MAP2K5: variants seen among roughly 807,000 people sequenced by gnomAD.
MAP2K5 encodes the protein mitogen-activated protein kinase kinase 5, also known as dual specificity mitogen-activated protein kinase kinase 5.
MAP2K5 carries 49 observed loss-of-function variants against 83.1 expected under a neutral mutation model. The observed-to-expected ratio is 0.59, with a 90% CI of 0.47 to 0.75. The LOEUF (loss-of-function observed/expected upper bound fraction) is 0.75. Among genes scored for constraint, MAP2K5 ranks in the 30% least tolerant of loss-of-function variants. The probability of loss-of-function intolerance (pLI) is 0.00; values close to 1 mark genes in which losing one functional copy is unlikely to be tolerated. For missense variants in MAP2K5, 457 were observed against 557.5 expected, an observed-to-expected ratio of 0.82 and a Z score of 1.82; for synonymous variants, 202 against 191.8, an observed-to-expected ratio of 1.05 and a Z score of -0.44.
chr15:67,553,812 C>T (rs181230918), intron 2 of MAP2K5, among the ~76,000 whole-genome samples: 4,373 of 145,662 alleles, frequency 0.03, 93 homozygotes, highest in Non-Finnish European at 0.042. Flanking sequence ...ACTCGGGAGG[C>T]TGAGGCAGGA....
Position 67,780,588 on chromosome 15 carries a change from A to G in MAP2K5, c.1242+7836A>G, listed in dbSNP as rs1010577336. Among the ~76,000 whole-genome samples, 5 of 152,250 alleles carry G rather than the reference A, an allele frequency of 3.3e-5. No homozygotes were observed. Among genetic ancestry groups the G allele is most frequent in the Non-Finnish European group, 7.3e-5 (5 of 68,044 alleles). On this transcript the variant is annotated intron_variant, in intron 21 of 21. Transcript: ENST00000178640. The surrounding 1 kb of genome is among the most constrained non-coding windows in gnomAD (Gnocchi z 5.0). ...AGCTGAAGAAACTAATCCAAGAACA[A>G]GCAATCCCTGGACATTACAATATAC...
At chr15:67,583,611 C>T (rs2085230468) in intron 4 of MAP2K5, among the ~76,000 whole-genome samples, 1 of 152,122 alleles carries the variant, frequency 6.6e-6, no homozygotes, top group Non-Finnish European at 1.5e-5. Context: ...GACATGTAGA[C>T]ATACTGGGTA....
In MAP2K5 at chr15:67,801,191, G is replaced by A. The variant is rs956048066; in HGVS notation, c.1243-5455G>A. ...CTGGAATCCTAAAGGGAGATGCATA[G>A]AGCCTTCAAGCAAGGCTCACAGGTC... On this transcript the variant is annotated intron_variant, in intron 21 of 21. Transcript: ENST00000178640. The surrounding 1 kb of genome is among the most constrained non-coding windows in gnomAD (Gnocchi z 4.8). 6.6e-6 allele frequency among the ~76,000 whole-genome samples: 1 copy of A among 152,142 alleles called. No individual in the cohort carries two copies. Among genetic ancestry groups the A allele is most frequent in the African/African-American group, 2.4e-5 (1 of 41,402 alleles).
rs1235476248 is a variant in MAP2K5, at chr15:67,769,464, A to G, written c.1135-138A>G. On this transcript the variant is annotated intron_variant, in intron 19 of 21. Transcript: ENST00000178640. The surrounding 1 kb of genome is among the most constrained non-coding windows in gnomAD (Gnocchi z 5.2). Reference sequence around the variant, plus strand: ...CCTAAATGTGTGGAATAAGGTAAAGACAGTCTTTTTAATTGGGTGAGGCCT... The same window carrying G: ...CCTAAATGTGTGGAATAAGGTAAAGGCAGTCTTTTTAATTGGGTGAGGCCT... 1 of 707,638 alleles carries G rather than the reference A, an allele frequency of 1.4e-6. No homozygotes were observed. The highest frequency in any genetic ancestry group is 1.8e-5 in the African/African-American group (1 of 55,634). The allele number at this position is 707,638 out of a possible 1,614,324, so 43.8% of individuals were successfully genotyped here.
chr15:67,584,792 C>T (rs1054493889), intron 4 of MAP2K5, among the ~76,000 whole-genome samples: 1 of 150,384 alleles, frequency 6.6e-6, no homozygotes, highest in Non-Finnish European at 1.5e-5. Flanking sequence ...CATTCTCCTG[C>T]CTCACGACAT....
rs1006975065 is a variant in MAP2K5 at position 67,777,982 on chromosome 15, G to A, written c.1242+5230G>A. Among the ~76,000 whole-genome samples, 4 of 152,168 alleles carry A rather than the reference G, an allele frequency of 2.6e-5. No homozygotes were observed. Among genetic ancestry groups the A allele is most frequent in the Non-Finnish European group, 2.9e-5 (2 of 68,026 alleles). ...CAAGTTGGCATGGGTCCTAGAAGGC[G>A]GGGTATCAGTTAAAATCAGAATAGC... On this transcript the variant is annotated intron_variant, in intron 21 of 21. Transcript: ENST00000178640. This position sits in a 1 kb window ranked among gnomAD's most constrained non-coding sequence, Gnocchi z 6.0.
intron 8 of MAP2K5, among the ~76,000 whole-genome samples, chr15:67,613,043 G>A (rs528502456): frequency 6.6e-6 from 1 of 152,116 alleles, no homozygotes; most frequent in East Asian, 1.9e-4. Flanking sequence ...TTCTGAGATG[G>A]GACAATTCCC....
At chr15:67,693,620 T>C in intron 15 of MAP2K5, 52 bp downstream of exon 15, 1 of 1,309,936 alleles carries the variant, frequency 7.6e-7, no homozygotes, top group East Asian at 2.3e-5. Flanking sequence ...TTTATCTTTA[T>C]GTACTTGGTA....
chr15:67,596,661 T>C (rs1180650806), intron 7 of MAP2K5, among the ~76,000 whole-genome samples: 1 of 152,190 alleles, frequency 6.6e-6, no homozygotes, highest in Non-Finnish European at 1.5e-5. Flanking sequence ...ACTCTGCCCA[T>C]GGGTTGTTGC....
chr15:67,654,651 C>T (rs969348601), intron 11 of MAP2K5, among the ~76,000 whole-genome samples: 2 of 152,014 alleles, frequency 1.3e-5, no homozygotes, highest in African/African-American at 4.8e-5. Flanking sequence ...TTTAAATTCC[C>T]CATGGTTGCT....
At chr15:67,584,453 G>A (rs774189525) in intron 4 of MAP2K5, among the ~76,000 whole-genome samples, 45 of 152,176 alleles carry the variant, frequency 3.0e-4, no homozygotes, top group African/African-American at 1.1e-3. Flanking sequence ...AGGACCAGAC[G>A]TCAAATGCAT....
chr15:67,616,228 G>A (rs1024069790), intron 8 of MAP2K5, among the ~76,000 whole-genome samples: 1 of 152,142 alleles, frequency 6.6e-6, no homozygotes, highest in Non-Finnish European at 1.5e-5. Flanking sequence ...AGCATCATCT[G>A]TAAGTATAGA....
chr15:67,739,677 C>T (rs1054264232), intron 17 of MAP2K5, among the ~76,000 whole-genome samples: 8 of 151,148 alleles, frequency 5.3e-5, no homozygotes, highest in Non-Finnish European at 1.0e-4. Context: ...GATGGGGTTT[C>T]GCCATGTTGG....
At chr15:67,603,438 G>C (rs1240787462) in intron 8 of MAP2K5, among the ~76,000 whole-genome samples, 1 of 152,308 alleles carries the variant, frequency 6.6e-6, no homozygotes, top group Non-Finnish European at 1.5e-5. Context: ...AGTGTTGTAA[G>C]ATGTAATGTT....
chr15:67,771,012 G>A (rs1448389703), intron 20 of MAP2K5, among the ~76,000 whole-genome samples: 1 of 152,090 alleles, frequency 6.6e-6, no homozygotes, highest in African/African-American at 2.4e-5. Flanking sequence ...AAGCATACAT[G>A]TTGATTAAAC....
At chr15:67,635,220 C>CT (rs1383886251) in intron 9 of MAP2K5, among the ~76,000 whole-genome samples, 3 of 142,484 alleles carry the variant, frequency 2.1e-5, no homozygotes, top group Non-Finnish European at 3.0e-5. Context: ...GAGTCTCGCT[C>CT]TGTCGCCTAG....
At position 67,786,055 on chromosome 15, in the gene MAP2K5, GA is replaced by G. The variant is rs2090411021; in HGVS notation, c.1242+13306del. On this transcript the variant is annotated intron_variant, in intron 21 of 21. Transcript: ENST00000178640. This position sits in a 1 kb window ranked among gnomAD's most constrained non-coding sequence, Gnocchi z 4.7. ...TTAACTTACAGAAGATGGAGGTTATGAAAGTGTTTGTAAACTATGAAGTGCG... is the reference window on the plus strand; with the variant it reads ...TTAACTTACAGAAGATGGAGGTTATGAAGTGTTTGTAAACTATGAAGTGCG... 5.9e-5 allele frequency among the ~76,000 whole-genome samples: 9 copies of G among 151,330 alleles called. No homozygotes were observed. In the South Asian group the frequency reaches 1.9e-3, roughly 32 times the overall value.
At chr15:67,590,605 G>A (rs933748051) in intron 6 of MAP2K5, among the ~76,000 whole-genome samples, 3 of 151,956 alleles carry the variant, frequency 2.0e-5, no homozygotes, top group East Asian at 1.9e-4. Context: ...GGCACATGCC[G>A]CCATGCCTGG....
At position 67,771,905 on chromosome 15, in the gene MAP2K5, A is replaced by G. The variant is rs2141303853; in HGVS notation, c.1197-802A>G. On this transcript the variant is annotated intron_variant, in intron 20 of 21. Coordinates refer to ENST00000178640, the MANE Select transcript of MAP2K5 (RefSeq NM_145160.3). ...ATCTCTTTTCATGACTATCCCATGG[A>G]CACTCTGAGTTTAGAACAAATACAG... 1.3e-5 allele frequency among the ~76,000 whole-genome samples: 2 copies of G among 152,324 alleles called. 1 individual carries two copies. The highest frequency in any genetic ancestry group is 4.1e-4 in the South Asian group (2 of 4,830).
Sources: allele counts gnomAD v4.1 joint callset (sites outside exome capture counted in the v4.1 genomes callset), GRCh38; gene constraint gnomAD v4.1.1; non-coding constraint Gnocchi (gnomAD v3.1); transcripts MANE v1.5; gene names NCBI Gene and HGNC (gene_info 2026-07-23, HGNC 2026-07-21).